The following CNTNAP2 variants were observed in gnomAD, a reference collection of about 807,000 sequenced individuals.
CNTNAP2 encodes the protein contactin-associated protein-like 2.
Under a neutral mutation model 155.2 loss-of-function variants are expected in CNTNAP2, and 98 were observed. That is an observed-to-expected ratio of 0.63 (90% CI 0.54 to 0.75). The LOEUF (loss-of-function observed/expected upper bound fraction) is 0.75. Ranked by LOEUF, CNTNAP2 falls within the 30% of genes least tolerant of loss-of-function variation. CNTNAP2 has a pLI of 0.00. For synonymous variants in CNTNAP2, 651 were observed against 631.2 expected (o/e 1.03, Z -0.47); for missense variants, 1,727 against 1,688.1 (o/e 1.02, Z -0.40).
At chr7:147,047,603 A>AT in intron 4 of CNTNAP2, among the ~76,000 whole-genome samples, 1 of 152,138 alleles carries the variant, frequency 6.6e-6, no homozygotes, top group South Asian at 2.1e-4. Flanking sequence ...TTGAGGTGAC[A>AT]TTTTTTTAAC....
chr7:146,741,257 G>A (rs1411504188), intron 1 of CNTNAP2, among the ~76,000 whole-genome samples: 2 of 152,108 alleles, frequency 1.3e-5, no homozygotes, highest in African/African-American at 4.8e-5. Flanking sequence ...CCCTTGTGAC[G>A]TTATTTTTGT....
At chr7:146,729,869 T>A (rs1436714371) in intron 1 of CNTNAP2, among the ~76,000 whole-genome samples, 1 of 152,200 alleles carries the variant, frequency 6.6e-6, no homozygotes. Context: ...TTTGACCAGT[T>A]ACATAGTTTT....
At chr7:148,307,506 G>A (rs145759713) in intron 21 of CNTNAP2, among the ~76,000 whole-genome samples, 1 of 152,104 alleles carries the variant, frequency 6.6e-6, no homozygotes, top group Non-Finnish European at 1.5e-5. Context: ...GCTCTAAAAA[G>A]GTTGTTATCA....
intron 1 of CNTNAP2, among the ~76,000 whole-genome samples, chr7:146,487,182 C>A (rs866734821): frequency 6.6e-5 from 10 of 152,030 alleles, no homozygotes; most frequent in Non-Finnish European, 1.5e-4. Context: ...ATAACAAAAA[C>A]GGATTATGAT....
chr7:148,201,252 C>T (rs1795365585), intron 18 of CNTNAP2, among the ~76,000 whole-genome samples: 1 of 152,164 alleles, frequency 6.6e-6, no homozygotes, highest in African/African-American at 2.4e-5. Context: ...AAGGGAAAGA[C>T]ATGCAGATCT....
At position 148,364,011 on chromosome 7, in the gene CNTNAP2, G is replaced by A. The variant is rs552739242; in HGVS notation, c.3476-19638G>A. Among the ~76,000 whole-genome samples the A allele has an allele frequency of 5.4e-4, 83 of 152,328 alleles. No homozygotes were observed. In the South Asian group the frequency reaches 0.014, roughly 26 times the overall value. ...AGCAGTGCCGGCCCACCGGCGCTGC[G>A]CTCGATTTCTCGCCGGGCCTTGGCT... On this transcript the variant is annotated intron_variant, in intron 21 of 23. Coordinates refer to ENST00000361727, the MANE Select transcript of CNTNAP2 (RefSeq NM_014141.6).
At position 147,759,579 on chromosome 7, in the gene CNTNAP2, T is replaced by C. The variant is rs142630948; in HGVS notation, c.2098+120273T>C. On this transcript the variant is annotated intron_variant, in intron 13 of 23. Transcript: ENST00000361727. ...CACAAAAATCAGAGCTCTTACAAAG[T>C]ATCCAGCTTTCCTAATAATTCAAAG... Among the ~76,000 whole-genome samples the C allele has an allele frequency of 2.6e-3, 390 of 152,300 alleles. 2 individuals are homozygous for C. Among genetic ancestry groups the C allele is most frequent in the African/African-American group, 8.9e-3 (372 of 41,574 alleles).
chr7:146,479,692 CA>C (rs147515090), intron 1 of CNTNAP2, among the ~76,000 whole-genome samples: 3 of 150,630 alleles, frequency 2.0e-5, no homozygotes, highest in Admixed American at 6.6e-5. Context: ...CTTAATGGAC[CA>C]AAAAAAACCC....
intron 8 of CNTNAP2, among the ~76,000 whole-genome samples, chr7:147,163,992 A>G (rs1454047776): frequency 6.6e-6 from 1 of 152,200 alleles, no homozygotes; most frequent in African/African-American, 2.4e-5. Context: ...TCCCTCCACA[A>G]CTAGAGAGAT....
intron 3 of CNTNAP2, among the ~76,000 whole-genome samples, chr7:146,926,317 T>TC (rs76863820): frequency 0.014 from 2,095 of 152,262 alleles, 90 homozygotes; most frequent in Admixed American, 0.083. Context: ...AAAAGGATAC[T>TC]CTTCTCCTCT....
chr7:147,749,460 A>G (rs1214986802), intron 13 of CNTNAP2, among the ~76,000 whole-genome samples: 1 of 152,168 alleles, frequency 6.6e-6, no homozygotes, highest in African/African-American at 2.4e-5. Flanking sequence ...GAATCCAACT[A>G]GTTAAATTAC....
intron 20 of CNTNAP2, 93 bp downstream of exon 20, chr7:148,229,872 A>G: frequency 1.4e-6 from 2 of 1,430,904 alleles, no homozygotes; most frequent in Non-Finnish European, 1.9e-6. Context: ...TTGAGGGGAT[A>G]GAAGTAGAAG....
At chr7:147,517,867 G>T (rs1262312856) in intron 11 of CNTNAP2, among the ~76,000 whole-genome samples, 1 of 152,134 alleles carries the variant, frequency 6.6e-6, no homozygotes, top group Non-Finnish European at 1.5e-5. Context: ...TTTTTATGAA[G>T]ATAAAAAGAA....
intron 8 of CNTNAP2, among the ~76,000 whole-genome samples, chr7:147,195,912 C>T (rs749216945): frequency 1.3e-5 from 2 of 152,054 alleles, no homozygotes; most frequent in Non-Finnish European, 2.9e-5. Context: ...TTAAAGGGAG[C>T]TTGGTACTCT....
chr7:147,639,857 A>G (rs570252497), intron 13 of CNTNAP2, among the ~76,000 whole-genome samples: 5 of 152,306 alleles, frequency 3.3e-5, no homozygotes, highest in Admixed American at 3.3e-4. Flanking sequence ...ACACACATAC[A>G]TGTGTGCAAG....
chr7:147,492,321 C>T (rs549398342), intron 11 of CNTNAP2, among the ~76,000 whole-genome samples: 2 of 152,330 alleles, frequency 1.3e-5, no homozygotes, highest in Admixed American at 1.3e-4. Flanking sequence ...GAATGCCTGC[C>T]TCCTGCTGTG....
chr7:147,743,818 C>T (rs1294866214), intron 13 of CNTNAP2, among the ~76,000 whole-genome samples: 1 of 152,104 alleles, frequency 6.6e-6, no homozygotes, highest in South Asian at 2.1e-4. Flanking sequence ...CCTCCCCCAG[C>T]TCCGTGGCTT....
At chr7:147,947,976 C>T (rs981229654) in intron 14 of CNTNAP2, among the ~76,000 whole-genome samples, 1 of 151,910 alleles carries the variant, frequency 6.6e-6, no homozygotes, top group Non-Finnish European at 1.5e-5. Context: ...GGCCTAATTA[C>T]CAATAACCAA....
chr7:146,376,091 C>T (rs1468295433), intron 1 of CNTNAP2, among the ~76,000 whole-genome samples: 3 of 152,126 alleles, frequency 2.0e-5, no homozygotes, highest in Non-Finnish European at 4.4e-5. Flanking sequence ...ATAGGGTTCC[C>T]ACTCTTTTAG....
Sources: allele counts gnomAD v4.1 joint callset (sites outside exome capture counted in the v4.1 genomes callset), GRCh38; gene constraint gnomAD v4.1.1; transcripts MANE v1.5; gene names NCBI Gene and HGNC (gene_info 2026-07-23, HGNC 2026-07-21).